Variants in RBFOX1 observed in about 807,000 individuals in gnomAD.
RBFOX1 encodes RNA binding fox-1 homolog 1, also known as RNA binding protein fox-1 homolog 1.
In RBFOX1, 8 loss-of-function variants were observed where a neutral mutation model predicts 57.7. The observed-to-expected ratio is 0.14, with a 90% confidence interval of 0.08 to 0.25. The LOEUF is 0.25. Among genes scored for constraint, RBFOX1 ranks in the 10% least tolerant of loss-of-function variants. The pLI is 1.00. For missense variants in RBFOX1, 611 were observed against 548.5 expected, an observed-to-expected ratio of 1.11 and a Z score of -1.14; for synonymous variants, 326 against 222.4, an observed-to-expected ratio of 1.47 and a Z score of -4.15.
chr16:5,508,407 C>CA (rs2043452580), intron 2 of RBFOX1, among the ~76,000 whole-genome samples: 2 of 152,208 alleles, frequency 1.3e-5, no homozygotes, highest in Admixed American at 1.3e-4. Context: ...GAGAGAGAGA[C>CA]AGAGTCTCCT....
intron 3 of RBFOX1, among the ~76,000 whole-genome samples, chr16:6,705,878 C>T (rs9924565): frequency 0.036 from 5,419 of 152,156 alleles, 328 homozygotes; most frequent in African/African-American, 0.12. Context: ...ATTAGCTGGG[C>T]ATGGTGGTGC....
At chr16:5,506,313 G>A (rs1378915412) in intron 2 of RBFOX1, among the ~76,000 whole-genome samples, 1 of 152,202 alleles carries the variant, frequency 6.6e-6, no homozygotes, top group East Asian at 1.9e-4. Context: ...CAGGCACAGA[G>A]ACGTAAGTCG....
chr16:7,464,627 C>T (rs913462714), intron 4 of RBFOX1, among the ~76,000 whole-genome samples: 1 of 151,020 alleles, frequency 6.6e-6, no homozygotes, highest in Non-Finnish European at 1.5e-5. Flanking sequence ...TCTACAATGT[C>T]CTCTCTAGGC....
chr16:6,691,636 G>C (rs1331918117), intron 3 of RBFOX1, among the ~76,000 whole-genome samples: 1 of 152,104 alleles, frequency 6.6e-6, no homozygotes, highest in East Asian at 1.9e-4. Context: ...AGATGACCTT[G>C]GCTTACAAAC....
intron 2 of RBFOX1, among the ~76,000 whole-genome samples, chr16:6,442,719 C>A (rs2094410407): frequency 6.6e-6 from 1 of 152,112 alleles, no homozygotes; most frequent in African/African-American, 2.4e-5. Context: ...TAATTCCCAA[C>A]AATTGAGGCT....
intron 1 of RBFOX1, among the ~76,000 whole-genome samples, chr16:6,256,233 G>T (rs1233712074): frequency 2.4e-5 from 1 of 42,128 alleles, no homozygotes; most frequent in Non-Finnish European, 5.0e-5. Context: ...ATATATATAT[G>T]TGTATATATA....
chr16:7,284,682 A>C (rs2095614061), intron 4 of RBFOX1, among the ~76,000 whole-genome samples: 1 of 152,172 alleles, frequency 6.6e-6, no homozygotes, highest in Non-Finnish European at 1.5e-5. Context: ...ACAGAGTGGT[A>C]GTTTCGGTGT....
intron 1 of RBFOX1, among the ~76,000 whole-genome samples, chr16:6,271,929 G>T (rs2075265482): frequency 6.6e-6 from 1 of 152,022 alleles, no homozygotes; most frequent in African/African-American, 2.4e-5. Flanking sequence ...AGAGAAATAA[G>T]AACTTCTCAA....
chr16:5,561,733 G>T (rs929640146), intron 2 of RBFOX1, among the ~76,000 whole-genome samples: 3 of 152,062 alleles, frequency 2.0e-5, no homozygotes, highest in African/African-American at 7.2e-5. Flanking sequence ...GGACTTACTG[G>T]GCAATCTGCT....
At chr16:7,611,277 C>T (rs1466356533) in intron 10 of RBFOX1, among the ~76,000 whole-genome samples, 2 of 152,150 alleles carry the variant, frequency 1.3e-5, no homozygotes, top group Non-Finnish European at 2.9e-5. Flanking sequence ...TTTATTTTCT[C>T]TTTTAATTAT....
chr16:7,672,437 G>A (rs1280478944), intron 13 of RBFOX1, among the ~76,000 whole-genome samples: 1 of 152,164 alleles, frequency 6.6e-6, no homozygotes, highest in Non-Finnish European at 1.5e-5. Context: ...AATTGACTGA[G>A]TTTTAATTAA....
chr16:6,981,143 A>C (rs2088723888), intron 3 of RBFOX1, among the ~76,000 whole-genome samples: 1 of 151,188 alleles, frequency 6.6e-6, no homozygotes, highest in Admixed American at 6.6e-5. Context: ...TTAAATTTAC[A>C]GGTACACTTG....
chr16:6,141,842 T>G (rs766835696), intron 1 of RBFOX1, among the ~76,000 whole-genome samples: 44 of 152,066 alleles, frequency 2.9e-4, no homozygotes, highest in Non-Finnish European at 5.0e-4. Flanking sequence ...GCATAACACT[T>G]GAGGTCAGGA....
intron 3 of RBFOX1, among the ~76,000 whole-genome samples, chr16:6,847,866 C>G (rs1286874313): frequency 2.0e-5 from 3 of 152,000 alleles, no homozygotes; most frequent in East Asian, 1.9e-4. Flanking sequence ...GAAATGGAGT[C>G]TTGGTCTGTC....
chr16:5,805,952 G>A (rs756265468), intron 3 of RBFOX1, among the ~76,000 whole-genome samples: 2 of 152,176 alleles, frequency 1.3e-5, no homozygotes, highest in Non-Finnish European at 2.9e-5. Flanking sequence ...AATCTGTCCT[G>A]CATAGATCCT....
At chr16:6,372,635 G>A (rs1197593862) in intron 2 of RBFOX1, among the ~76,000 whole-genome samples, 1 of 151,480 alleles carries the variant, frequency 6.6e-6, no homozygotes, top group African/African-American at 2.4e-5. Context: ...GTTTTGTTGG[G>A]TGGAAAGGAG....
rs116668705 is a variant in RBFOX1 at position 7,259,640 on chromosome 16, C to G, written c.27+207542C>G. 9.0e-3 allele frequency among the ~76,000 whole-genome samples: 1,363 copies of G among 151,910 alleles called. 21 individuals are homozygous for G. Among genetic ancestry groups the G allele is most frequent in the African/African-American group, 0.032 (1,310 of 41,458 alleles). ...TGTATTTTTTATTATTTCTAATAAA[C>G]AAGCCTATAGCTTTTGAAATTTTAT... On this transcript the variant is annotated intron_variant, in intron 4 of 15. Transcript: ENST00000550418.
chr16:7,057,609 T>G (rs1432631789), intron 4 of RBFOX1, among the ~76,000 whole-genome samples: 1 of 152,222 alleles, frequency 6.6e-6, no homozygotes, highest in Admixed American at 6.5e-5. Flanking sequence ...CTGGGCCAGT[T>G]GGATCTGTCC....
intron 1 of RBFOX1, among the ~76,000 whole-genome samples, chr16:5,384,709 G>C (rs1252764606): frequency 1.3e-5 from 2 of 152,224 alleles, no homozygotes; most frequent in Non-Finnish European, 2.9e-5. Context: ...GCTTCAGGAG[G>C]TTCTCAGGGG....
Sources: allele counts gnomAD v4.1 joint callset (sites outside exome capture counted in the v4.1 genomes callset), GRCh38; gene constraint gnomAD v4.1.1; transcripts MANE v1.5; gene names NCBI Gene and HGNC (gene_info 2026-07-23, HGNC 2026-07-21).